Variants in API5 observed in about 807,000 individuals in gnomAD.
API5 encodes the protein FIF.
A neutral mutation model predicts 71.9 loss-of-function variants in API5; 6 were observed. The observed-to-expected ratio is 0.08, with a 90% confidence interval of 0.05 to 0.16. The LOEUF is 0.16. Among genes scored for constraint, API5 ranks in the 10% least tolerant of loss-of-function variants. The probability of loss-of-function intolerance (pLI) is 1.00; values close to 1 mark genes in which losing one functional copy is unlikely to be tolerated. For missense variants in API5, 332 were observed against 612.8 expected, an observed-to-expected ratio of 0.54 and a Z score of 4.84; for synonymous variants, 189 against 221.3, an observed-to-expected ratio of 0.85 and a Z score of 1.30.
At chr11:43,322,526 C>G (rs1405817133) in intron 5 of API5, among the ~76,000 whole-genome samples, 1 of 152,102 alleles carries the variant, frequency 6.6e-6, no homozygotes, top group Non-Finnish European at 1.5e-5. Flanking sequence ...CTGTTGTCAC[C>G]TTAGCCCTTG....
chr11:43,314,947 A>G (rs1241126718), intron 1 of API5, among the ~76,000 whole-genome samples: 1 of 152,208 alleles, frequency 6.6e-6, no homozygotes, highest in Admixed American at 6.5e-5. Context: ...AACCGTGTTC[A>G]TGTTCTTGAT....
At chr11:43,312,232 C>T in intron 1 of API5, 36 bp downstream of exon 1, 1 of 1,601,670 alleles carries the variant, frequency 6.2e-7, no homozygotes, top group Non-Finnish European at 8.5e-7. Flanking sequence ...CAGGGCCTGG[C>T]GCTCCGCGGC....
At chr11:43,321,557 C>G in intron 4 of API5, 81 bp downstream of exon 4, 1 of 1,144,010 alleles carries the variant, frequency 8.7e-7, no homozygotes, top group Non-Finnish European at 1.3e-6. Context: ...AGAATAAACT[C>G]TAGGGTTTAC....
intron 4 of API5, 118 bp downstream of exon 4, chr11:43,321,594 A>G: frequency 1.2e-6 from 1 of 825,054 alleles, no homozygotes; most frequent in Non-Finnish European, 1.8e-6. Flanking sequence ...TAAAAATTCT[A>G]AGTATTGTGA....
At position 43,312,008 on chromosome 11, in the gene API5, T is replaced by C. The variant is rs1419596000; in HGVS notation, c.-120T>C. The C allele has an allele frequency of 7.9e-6, 9 of 1,138,242 alleles. No individual in the cohort carries two copies. The highest frequency in any genetic ancestry group is 1.5e-5 in the African/African-American group (1 of 64,782). 70.5% of individuals were successfully genotyped at this position (1,138,242 alleles called of 1,614,324 possible). A position where few individuals can be genotyped will look rare whatever the true frequency, so the allele number is the denominator to read the frequency against. On this transcript the variant is annotated 5_prime_UTR_variant, in exon 1 of 14. Coordinates refer to ENST00000531273, the MANE Select transcript of API5 (RefSeq NM_001142930.2). ...CGCGCTGTGCGCGGTGACTGGCGGC[T>C]GCACTGGCGGCAGCTGGAGGTGTAA...
chr11:43,323,338 G>T, intron 5 of API5, 92 bp from the exon 6 acceptor site: 1 of 1,158,416 alleles, frequency 8.6e-7, no homozygotes. Flanking sequence ...ACTGACTTTA[G>T]TAACTGAAAT....
chr11:43,338,352 T>A (rs1855501890), intron 13 of API5, among the ~76,000 whole-genome samples: 1 of 152,164 alleles, frequency 6.6e-6, no homozygotes, highest in Non-Finnish European at 1.5e-5. Context: ...AACTTCCCGG[T>A]GCATTCATAA....
At chr11:43,317,012 A>G (rs1854696317) in intron 1 of API5, among the ~76,000 whole-genome samples, 1 of 152,228 alleles carries the variant, frequency 6.6e-6, no homozygotes, top group Non-Finnish European at 1.5e-5. Context: ...ATTATCAACA[A>G]AAAAGAATCA....
chr11:43,327,762 A>G (rs1855121730), intron 7 of API5, 27 bp from the exon 8 acceptor site: 4 of 1,544,014 alleles, frequency 2.6e-6, no homozygotes, highest in Admixed American at 1.8e-5. Flanking sequence ...ATTCAAAAAA[A>G]CAGTAATAGT....
intron 1 of API5, among the ~76,000 whole-genome samples, chr11:43,313,136 A>C (rs1787675255): frequency 6.6e-6 from 1 of 151,908 alleles, no homozygotes; most frequent in Non-Finnish European, 1.5e-5. Context: ...TTTTTTAAAA[A>C]TTTATTCTTT....
At chr11:43,340,052 C>T (rs915150150) in intron 13 of API5, among the ~76,000 whole-genome samples, 11 of 151,936 alleles carry the variant, frequency 7.2e-5, no homozygotes, top group Non-Finnish European at 1.3e-4. Context: ...AAACTAAAGA[C>T]TCTACCAAAA....
intron 6 of API5, 127 bp downstream of exon 6, chr11:43,323,763 G>A (rs749676661): frequency 1.1e-6 from 1 of 906,346 alleles, no homozygotes. Flanking sequence ...GGAACCAGAA[G>A]TGTATTCAGA....
chr11:43,337,340 A>G (rs997417892), intron 13 of API5, among the ~76,000 whole-genome samples: 2 of 152,194 alleles, frequency 1.3e-5, no homozygotes, highest in African/African-American at 4.8e-5. Context: ...AATAAAAAAA[A>G]AGTAGATTCT....
chr11:43,313,840 A>C (rs1031391619), intron 1 of API5, among the ~76,000 whole-genome samples: 3 of 152,208 alleles, frequency 2.0e-5, no homozygotes, highest in African/African-American at 7.2e-5. Context: ...TGTAATCCCA[A>C]TTCTTTAAGG....
Position 43,313,122 on chromosome 11 carries a change from G to T in API5, c.69+926G>T, listed in dbSNP as rs918474497. 2.1e-5 allele frequency among the ~76,000 whole-genome samples: 3 copies of T among 144,030 alleles called. No homozygotes were observed. In the East Asian group the frequency reaches 6.5e-4, roughly 31 times the overall value. The allele number at this position is 144,030 out of a possible 152,430, so 94.5% of individuals were successfully genotyped here. On this transcript the variant is annotated intron_variant, in intron 1 of 13. Coordinates refer to ENST00000531273, the MANE Select transcript of API5 (RefSeq NM_001142930.2). The stretch of plus-strand genomic sequence containing the variant: ...ACCCCGTCTCAAAAAAAAAAAAAAA[G>T]GTTTTTTTTAAAAATTTATTCTTTT...
In API5 at chr11:43,324,038, G is replaced by A. The variant is rs1479826406; in HGVS notation, c.750+402G>A. ...AGAAAGAATTTTTTTTTTCCTTTGA[G>A]ACAGAGTCTTGCCCTGTCACTCATG... is the stretch of plus-strand genomic sequence containing the variant. On this transcript the variant is annotated intron_variant, in intron 6 of 13. Coordinates refer to ENST00000531273, the MANE Select transcript of API5 (RefSeq NM_001142930.2). Among the ~76,000 whole-genome samples, 7 of 152,024 alleles carry A rather than the reference G, an allele frequency of 4.6e-5. No homozygotes were observed. In the South Asian group the frequency reaches 1.5e-3, roughly 32 times the overall value.
chr11:43,314,867 A>G (rs1854616369), intron 1 of API5, among the ~76,000 whole-genome samples: 1 of 152,220 alleles, frequency 6.6e-6, no homozygotes, highest in Non-Finnish European at 1.5e-5. Context: ...ATTGCTTGTA[A>G]TTTTAACTAA....
chr11:43,322,176 A>G, intron 5 of API5, 40 bp downstream of exon 5: 3 of 1,551,128 alleles, frequency 1.9e-6, no homozygotes, highest in South Asian at 2.4e-5. Flanking sequence ...TCTCTAAAGC[A>G]AAAGAGCATA....
chr11:43,322,249 A>G (rs543832772), intron 5 of API5, 113 bp downstream of exon 5: 3 of 1,026,616 alleles, frequency 2.9e-6, no homozygotes, highest in African/African-American at 3.3e-5. Context: ...TATATCATAT[A>G]TCCCATTGGA....
Sources: allele counts gnomAD v4.1 joint callset (sites outside exome capture counted in the v4.1 genomes callset), GRCh38; gene constraint gnomAD v4.1.1; transcripts MANE v1.5; gene names NCBI Gene and HGNC (gene_info 2026-07-23, HGNC 2026-07-21).